The following SPTAN1 variants were observed in gnomAD, a reference collection of about 807,000 sequenced individuals.
The protein encoded by SPTAN1 is spectrin alpha, non-erythrocytic 1.
SPTAN1 carries 61 observed loss-of-function variants against 331.3 expected under a neutral mutation model. That is an observed-to-expected ratio of 0.18 (90% CI 0.15 to 0.23). The LOEUF (loss-of-function observed/expected upper bound fraction) is 0.23. SPTAN1 is among the 10% of genes least tolerant of loss of function. The pLI is 1.00. For synonymous variants in SPTAN1, 1,153 were observed against 1,173.9 expected (o/e 0.98, Z 0.36); for missense variants, 2,043 against 3,147.9 (o/e 0.65, Z 8.40).
chr9:128,630,928 C>T (rs374877320), intron 52 of SPTAN1, among the ~76,000 whole-genome samples: 6 of 151,944 alleles, frequency 3.9e-5, no homozygotes, highest in African/African-American at 1.2e-4. Flanking sequence ...AGGCTGGTCT[C>T]GAACTCCTGA....
chr9:128,632,662 G>A lies in SPTAN1; in HGVS notation c.7104G>A (p.Glu2368=), dbSNP rs1436459462. 1 of 1,614,044 alleles carries A rather than the reference G, an allele frequency of 6.2e-7. No homozygotes were observed. Among genetic ancestry groups the A allele is most frequent in the Non-Finnish European group, 8.5e-7 (1 of 1,180,036 alleles). ...TGGGCTATGACCTGCCCATGGTGGA[G>A]GAAGGGGAACCTGACCCTGAGTTCG... ...RSLGYDLPMV[E]EGEPDPEFEA... Residue 2368 remains glutamate (E), a synonymous_variant, in exon 55 of 57, where the codon GAG becomes GAA. Coordinates refer to ENST00000372739, the MANE Select transcript of SPTAN1 (RefSeq NM_001130438.3).
intron 1 of SPTAN1, among the ~76,000 whole-genome samples, chr9:128,560,480 A>G (rs891708356): frequency 1.3e-5 from 2 of 151,296 alleles, no homozygotes; most frequent in African/African-American, 4.9e-5. Context: ...TCCCAGGCTC[A>G]AGGGATTCTC....
chr9:128,632,135 C>T lies in SPTAN1; in HGVS notation c.6771C>T (p.His2257=). The T allele has an allele frequency of 1.2e-6, 2 of 1,613,228 alleles. No individual in the cohort carries two copies. Among genetic ancestry groups the T allele is most frequent in the Non-Finnish European group, 1.7e-6 (2 of 1,180,020 alleles). ...GCTCCCCACCCCTGCAGCGCAAGCA[C>T]CAGGAAATCCGAGCCATGAGAAGTC... The part of the protein sequence containing the change: ...ESQLEATKRK[H]QEIRAMRSQL... The change falls in exon 53 of 57, where the codon CAC becomes CAT. Residue 2257 remains histidine (H), a synonymous_variant. Coordinates refer to ENST00000372739, the MANE Select transcript of SPTAN1 (RefSeq NM_001130438.3).
chr9:128,609,474 T>C, intron 36 of SPTAN1, 177 bp from the exon 37 acceptor site: 1 of 1,008,570 alleles, frequency 9.9e-7, no homozygotes, highest in Non-Finnish European at 1.5e-6. Context: ...CTTCCTCATT[T>C]GTCTCCATTA....
intron 41 of SPTAN1, 135 bp downstream of exon 41, chr9:128,615,975 A>G: frequency 1.1e-6 from 1 of 921,466 alleles, no homozygotes; most frequent in Non-Finnish European, 1.7e-6. Flanking sequence ...CAGTCGTGGG[A>G]TGCCTCAGTG....
In SPTAN1 at chr9:128,629,261, A is replaced by C. The variant is rs1589402793; in HGVS notation, c.6708-1060A>C. ...ACTCTTGACATCCCCAGGCGGCTCC[A>C]CCCTGACTAACCTGCCGCCCTCGGC... On this transcript the variant is annotated intron_variant, in intron 51 of 56. Transcript: ENST00000372739. This position sits in a 1 kb window ranked among gnomAD's most constrained non-coding sequence, Gnocchi z 4.9. 2.5e-6 allele frequency: 1 copy of C among 397,668 alleles called. No homozygotes were observed. The highest frequency in any genetic ancestry group is 2.1e-5 in the African/African-American group (1 of 48,512). 24.6% of individuals were successfully genotyped at this position (397,668 alleles called of 1,614,324 possible).
intron 25 of SPTAN1, 182 bp from the exon 26 acceptor site, chr9:128,598,781 A>G (rs758304958): frequency 2.0e-5 from 13 of 665,920 alleles, no homozygotes; most frequent in Non-Finnish European, 3.2e-5. Flanking sequence ...TGGTAATTTC[A>G]TAAGTTCCTC....
At chr9:128,580,651 A>G (rs1277902721) in intron 10 of SPTAN1, among the ~76,000 whole-genome samples, 1 of 151,840 alleles carries the variant, frequency 6.6e-6, no homozygotes, top group African/African-American at 2.4e-5. Context: ...TGGATGCCCT[A>G]TTTCTTCTAC....
intron 19 of SPTAN1, among the ~76,000 whole-genome samples, chr9:128,586,783 C>G (rs9695765): frequency 0.97 from 146,875 of 151,832 alleles, 71,217 homozygotes; most frequent in Non-Finnish European, 1. Context: ...GCTCTTACCA[C>G]TCTTCACAAA....
chr9:128,627,098 C>T lies in SPTAN1; in HGVS notation c.6577-288C>T. 1.7e-6 allele frequency: 1 copy of T among 573,102 alleles called. No homozygotes were observed. 35.5% of individuals were successfully genotyped at this position (573,102 alleles called of 1,614,324 possible). On this transcript the variant is annotated intron_variant, in intron 49 of 56. Transcript: ENST00000372739. The surrounding 1 kb of genome is among the most constrained non-coding windows in gnomAD (Gnocchi z 4.9). ...AAAGTGCTGGGATTACAGGTGTGAGCCACTGTACCCAGCCAGAAGTTTCCA... is the reference window on the plus strand; with the variant it reads ...AAAGTGCTGGGATTACAGGTGTGAGTCACTGTACCCAGCCAGAAGTTTCCA...
At chr9:128,614,372 G>A (rs986922809) in intron 40 of SPTAN1, among the ~76,000 whole-genome samples, 2 of 149,056 alleles carry the variant, frequency 1.3e-5, no homozygotes, top group African/African-American at 5.0e-5. Context: ...CGGGTGGATC[G>A]CCTGAGCTCA....
intron 3 of SPTAN1, among the ~76,000 whole-genome samples, chr9:128,571,624 TTAAA>T (rs1356395373): frequency 6.6e-6 from 1 of 152,128 alleles, no homozygotes; most frequent in Non-Finnish European, 1.5e-5. Context: ...AAAAAACCTA[TTAAA>T]TATAGTTTGT....
At chr9:128,605,607 G>A in intron 31 of SPTAN1, 130 bp downstream of exon 31, 2 of 1,193,848 alleles carry the variant, frequency 1.7e-6, no homozygotes, top group Non-Finnish European at 2.4e-6. Flanking sequence ...ACTTTGGGGG[G>A]CCAAGGCAAG....
rs1163881489 is a variant in SPTAN1, at chr9:128,605,617, G to A, written c.4046+140G>A. 9.1e-6 allele frequency: 10 copies of A among 1,103,576 alleles called. No individual in the cohort carries two copies. In the Admixed American group the frequency reaches 2.0e-4, roughly 22 times the overall value. 68.4% of individuals were successfully genotyped at this position (1,103,576 alleles called of 1,614,324 possible). A position where few individuals can be genotyped will look rare whatever the true frequency, so the allele number is the denominator to read the frequency against. On this transcript the variant is annotated intron_variant, in intron 31 of 56. Transcript: ENST00000372739. ...CAAGCACTTTGGGGGGCCAAGGCAA[G>A]CGAATTGCTTGAACTCAGGAGCCGG...
Position 128,618,194 on chromosome 9 carries a change from C to A in SPTAN1, c.5600+86C>A, listed in dbSNP as rs530795999. 3 of 1,579,440 alleles carry A rather than the reference C, an allele frequency of 1.9e-6. No individual in the cohort carries two copies. The Admixed American group carries it at 5.3e-5, about 28-fold the overall frequency. ...CTCTGAGCTGTGGGGGTCCAGTGGG[C>A]CCTCCTACTGTCTCCTGGACCTTTG... On this transcript the variant is annotated intron_variant, in intron 43 of 56. Coordinates refer to ENST00000372739, the MANE Select transcript of SPTAN1 (RefSeq NM_001130438.3).
rs1376670407 is a variant in SPTAN1 at position 128,568,895 on chromosome 9, C to T, written c.361C>T (p.Arg121Trp). ...SEGHFASETI[R>W]TRLMELHRQW... ...AGGGCATTTTGCATCTGAAACCATA[C>T]GGGTGAGTATGAGTAGCTCGTGGAG... Residue 121 changes from arginine to tryptophan, a missense_variant and splice_region_variant, in exon 3 of 57, where the codon CGG becomes TGG. Arg to Trp is a moderately radical substitution (Grantham distance 101). Around this residue, in one of 12 missense-constraint regions of SPTAN1, gnomAD observed 1,038 missense variants for 1,531.5 expected, o/e 0.68. Transcript: ENST00000372739. The T allele has an allele frequency of 6.8e-6, 11 of 1,613,868 alleles. No homozygotes were observed. The highest frequency in any genetic ancestry group is 3.3e-5 in the South Asian group (3 of 91,070).
At chr9:128,611,369 CT>C (rs1439600015) in intron 37 of SPTAN1, among the ~76,000 whole-genome samples, 1 of 152,090 alleles carries the variant, frequency 6.6e-6, no homozygotes, top group Non-Finnish European at 1.5e-5. Flanking sequence ...ATTCGGGAGG[CT>C]GAGGTAGGAG....
chr9:128,626,818 C>A, intron 49 of SPTAN1, 131 bp downstream of exon 49: 3 of 1,083,732 alleles, frequency 2.8e-6, no homozygotes, highest in African/African-American at 1.7e-5. Context: ...TCAGAAGTTT[C>A]ATTTCTTTTT....
chr9:128,554,640 A>G (rs1427577882), intron 1 of SPTAN1, among the ~76,000 whole-genome samples: 1 of 152,224 alleles, frequency 6.6e-6, no homozygotes, highest in Non-Finnish European at 1.5e-5. Flanking sequence ...TGGGCTATGC[A>G]GGGATCCCAC....
Sources: gnomAD v4.1 joint callset for allele counts (sites outside exome capture counted in the v4.1 genomes callset) on GRCh38, gnomAD v4.1.1 for gene constraint, gnomAD v4.1.1 regional missense constraint, Gnocchi (gnomAD v3.1) non-coding constraint, MANE v1.5 for transcripts, NCBI Gene and HGNC (gene_info 2026-07-23, HGNC 2026-07-21) for gene names.